Variants in PDE11A observed in about 807,000 individuals in gnomAD.
PDE11A encodes the protein phosphodiesterase 11A, also known as dual 3',5'-cyclic-AMP and -GMP phosphodiesterase 11A.
A neutral mutation model predicts 100.5 loss-of-function variants in PDE11A; 100 were observed. That is an observed-to-expected ratio of 1.00 (90% CI 0.85 to 1.18). The LOEUF (loss-of-function observed/expected upper bound fraction) is 1.18. Ranked by LOEUF, PDE11A falls within the 50% of genes most tolerant of loss-of-function variation. PDE11A has a pLI of 0.00. For synonymous variants in PDE11A, 381 were observed against 420.8 expected (o/e 0.91, Z 1.16); for missense variants, 1,141 against 1,152.6 (o/e 0.99, Z 0.15).
intron 2 of PDE11A, among the ~76,000 whole-genome samples, chr2:178,006,059 A>C (rs1422869774): frequency 6.6e-6 from 1 of 152,230 alleles, no homozygotes; most frequent in Non-Finnish European, 1.5e-5. Context: ...ACCAAGCATT[A>C]TCTGCATTTG....
Position 177,628,097 on chromosome 2 carries a change from A to T in PDE11A, c.*1310T>A, listed in dbSNP as rs1043851500. The T allele has an allele frequency of 6.6e-6, 1 of 152,394 alleles. No individual in the cohort carries two copies. The highest frequency in any genetic ancestry group is 2.4e-5 in the African/African-American group (1 of 41,466). 9.4% of individuals were successfully genotyped at this position (152,394 alleles called of 1,614,324 possible). On this transcript the variant is annotated 3_prime_UTR_variant, in exon 20 of 20. Coordinates refer to ENST00000286063, the MANE Select transcript of PDE11A (RefSeq NM_016953.4). Reference sequence around the variant, plus strand: ...TTGACGTTTTATATGTTGGGGATTCATTGAAAGATTTATTTGAACAAAGAG... The same window carrying T: ...TTGACGTTTTATATGTTGGGGATTCTTTGAAAGATTTATTTGAACAAAGAG...
chr2:177,785,552 T>C (rs908167193), intron 9 of PDE11A, among the ~76,000 whole-genome samples: 1 of 143,852 alleles, frequency 7.0e-6, no homozygotes, highest in Non-Finnish European at 1.5e-5. Flanking sequence ...GTAGGTGCAG[T>C]GCACCATGCA....
chr2:177,877,332 T>A, intron 4 of PDE11A, among the ~76,000 whole-genome samples: 1 of 123,330 alleles, frequency 8.1e-6, no homozygotes, highest in South Asian at 2.5e-4. Flanking sequence ...GCCCAGCTAA[T>A]TTTTGCATTT....
chr2:177,760,488 T>A (rs1005179848), intron 10 of PDE11A, among the ~76,000 whole-genome samples: 1 of 152,202 alleles, frequency 6.6e-6, no homozygotes, highest in African/African-American at 2.4e-5. Flanking sequence ...ATTAAAAAAT[T>A]TGAGTATGCG....
At chr2:177,663,778 T>C (rs1377640481) in intron 19 of PDE11A, 88 bp downstream of exon 19, 5 of 809,574 alleles carry the variant, frequency 6.2e-6, no homozygotes, top group Non-Finnish European at 1.1e-5. Context: ...ACCCTGGAAA[T>C]GTCTCCTCAA....
intron 19 of PDE11A, among the ~76,000 whole-genome samples, chr2:177,654,143 T>C (rs1199254463): frequency 6.6e-6 from 1 of 152,242 alleles, no homozygotes; most frequent in Non-Finnish European, 1.5e-5. Context: ...ATTTCAGAAT[T>C]ATCTCTATTA....
At chr2:177,924,527 T>G (rs1383202657) in intron 2 of PDE11A, among the ~76,000 whole-genome samples, 1 of 152,174 alleles carries the variant, frequency 6.6e-6, no homozygotes, top group Non-Finnish European at 1.5e-5. Flanking sequence ...TAAGATCCAG[T>G]GTCAAATCAT....
At chr2:178,071,158 A>G (rs2087121999) in intron 1 of PDE11A, among the ~76,000 whole-genome samples, 2 of 152,200 alleles carry the variant, frequency 1.3e-5, no homozygotes, top group South Asian at 4.1e-4. Flanking sequence ...TGGAGCACAC[A>G]TCTTTTTCTA....
intron 9 of PDE11A, among the ~76,000 whole-genome samples, chr2:177,783,491 TC>T (rs2082484791): frequency 6.6e-6 from 1 of 152,240 alleles, no homozygotes; most frequent in Non-Finnish European, 1.5e-5. Context: ...TTCATATTTG[TC>T]TTCCATTTTT....
intron 2 of PDE11A, among the ~76,000 whole-genome samples, chr2:177,924,950 A>G (rs1269961050): frequency 6.7e-6 from 1 of 148,222 alleles, no homozygotes; most frequent in Non-Finnish European, 1.5e-5. Context: ...TCATTGTTCA[A>G]TTCCCACCTG....
At chr2:177,630,689 A>T (rs1188798967) in intron 19 of PDE11A, among the ~76,000 whole-genome samples, 1 of 151,386 alleles carries the variant, frequency 6.6e-6, no homozygotes, top group Non-Finnish European at 1.5e-5. Context: ...CCTTATTTTA[A>T]TTTTTTTTTA....
intron 9 of PDE11A, among the ~76,000 whole-genome samples, chr2:177,812,190 G>T (rs770771777): frequency 1.3e-5 from 2 of 151,964 alleles, no homozygotes; most frequent in Non-Finnish European, 2.9e-5. Context: ...ATTTTTGTAG[G>T]TACATAGTAG....
At chr2:177,910,286 G>A (rs1010875204) in intron 2 of PDE11A, among the ~76,000 whole-genome samples, 5 of 152,166 alleles carry the variant, frequency 3.3e-5, no homozygotes, top group Non-Finnish European at 7.4e-5. Context: ...TGCAGGAGAA[G>A]CAGGCAAATA....
intron 2 of PDE11A, among the ~76,000 whole-genome samples, chr2:178,077,925 A>AG (rs77385086): frequency 6.6e-6 from 1 of 151,172 alleles, no homozygotes; most frequent in Non-Finnish European, 1.5e-5. Context: ...AGATGCTCTT[A>AG]GGAAAAAAAA....
intron 9 of PDE11A, among the ~76,000 whole-genome samples, chr2:177,779,404 T>C (rs2082421621): frequency 6.6e-6 from 1 of 152,240 alleles, no homozygotes; most frequent in Non-Finnish European, 1.5e-5. Context: ...AATATTTCTC[T>C]GTAGCATACA....
chr2:177,850,582 A>G (rs1222286846), intron 5 of PDE11A, among the ~76,000 whole-genome samples: 1 of 152,034 alleles, frequency 6.6e-6, no homozygotes, highest in Non-Finnish European at 1.5e-5. Flanking sequence ...AGAAACGACC[A>G]TCAGAGTGAA....
intron 10 of PDE11A, among the ~76,000 whole-genome samples, chr2:177,741,629 C>G (rs569594038): frequency 6.6e-6 from 1 of 152,150 alleles, no homozygotes; most frequent in Non-Finnish European, 1.5e-5. Flanking sequence ...CCTTAGAGAA[C>G]GCAACCTAGA....
chr2:177,786,285 A>C (rs1430882848), intron 9 of PDE11A, among the ~76,000 whole-genome samples: 1 of 152,204 alleles, frequency 6.6e-6, no homozygotes, highest in East Asian at 1.9e-4. Context: ...CAGGGTCTGG[A>C]GTGGACCTCT....
At chr2:177,696,655 G>T (rs2105532095) in intron 15 of PDE11A, among the ~76,000 whole-genome samples, 1 of 73,040 alleles carries the variant, frequency 1.4e-5, no homozygotes, top group South Asian at 4.8e-4. Context: ...AAGGTAGACA[G>T]TAAAAGAAAG....
Sources: allele counts gnomAD v4.1 joint callset (sites outside exome capture counted in the v4.1 genomes callset), GRCh38; gene constraint gnomAD v4.1.1; transcripts MANE v1.5; gene names NCBI Gene and HGNC (gene_info 2026-07-23, HGNC 2026-07-21).